FYB1: variants seen among roughly 807,000 people sequenced by gnomAD.
FYB1 encodes the protein FYN-binding protein 1.
In FYB1, 41 loss-of-function variants were observed where a neutral mutation model predicts 94.1. The ratio of observed to expected loss-of-function variants is 0.44; its 90% CI spans 0.34 to 0.57. FYB1 has a LOEUF of 0.57. FYB1 is among the 20% of genes least tolerant of loss of function. FYB1 has a pLI of 0.02. For synonymous variants in FYB1, 367 were observed against 353.2 expected (o/e 1.04, Z -0.44); for missense variants, 1,050 against 976.8 (o/e 1.07, Z -1.00).
chr5:39,157,900 C>T (rs1175669060), intron 2 of FYB1, among the ~76,000 whole-genome samples: 1 of 152,200 alleles, frequency 6.6e-6, no homozygotes, highest in African/African-American at 2.4e-5. Flanking sequence ...GATGAATTTG[C>T]AACCTACTAC....
chr5:39,217,463 T>G (rs572626452), intron 1 of FYB1, among the ~76,000 whole-genome samples: 1 of 152,300 alleles, frequency 6.6e-6, no homozygotes, highest in South Asian at 2.1e-4. Context: ...TGCAGCAGCT[T>G]GCTCTTAAAA....
chr5:39,157,314 T>C (rs1031823813), intron 2 of FYB1, among the ~76,000 whole-genome samples: 26 of 152,176 alleles, frequency 1.7e-4, no homozygotes, highest in Non-Finnish European at 3.5e-4. Flanking sequence ...GCTTTTTTGA[T>C]TTGTATTTTT....
intron 3 of FYB1, among the ~76,000 whole-genome samples, chr5:39,147,037 C>T (rs987764513): frequency 6.6e-6 from 1 of 151,724 alleles, no homozygotes; most frequent in Non-Finnish European, 1.5e-5. Context: ...CAGTCACAGC[C>T]CAAGTCATAA....
chr5:39,161,994 C>A (rs2150376899), intron 2 of FYB1, among the ~76,000 whole-genome samples: 1 of 152,216 alleles, frequency 6.6e-6, no homozygotes, highest in Admixed American at 6.5e-5. Flanking sequence ...GTTGTTTTTG[C>A]AGTTCAATTA....
At chr5:39,271,340 G>A (rs1752658088) in intron 1 of FYB1, among the ~76,000 whole-genome samples, 1 of 152,182 alleles carries the variant, frequency 6.6e-6, no homozygotes, top group Non-Finnish European at 1.5e-5. Flanking sequence ...CAAGTAGTCA[G>A]ACTTTCCAAT....
chr5:39,203,120 T>C, intron 1 of FYB1, 133 bp from the exon 2 acceptor site: 1 of 704,936 alleles, frequency 1.4e-6, no homozygotes, highest in Non-Finnish European at 2.3e-6. Flanking sequence ...TATTGTAACA[T>C]TTATCTTCCT....
At chr5:39,186,929 G>A (rs555593806) in intron 2 of FYB1, among the ~76,000 whole-genome samples, 17 of 152,162 alleles carry the variant, frequency 1.1e-4, no homozygotes, top group African/African-American at 1.7e-4. Context: ...AAAAGAGGCC[G>A]AGAACCCTCC....
At position 39,232,012 on chromosome 5, in the gene FYB1, G is replaced by C. The variant is rs148422499; in HGVS notation, c.-27-29025C>G. ...GAAGAGAAGCTTCAGGGATACGGAT[G>C]AATTGTATATCATCAAACTGTTTGC... On this transcript the variant is annotated intron_variant, in intron 1 of 1. Coordinates refer to the FYB1 transcript ENST00000510188. Among the ~76,000 whole-genome samples the C allele has an allele frequency of 3.5e-4, 53 of 152,242 alleles. No individual in the cohort carries two copies. In the East Asian group the frequency reaches 0.01, roughly 29 times the overall value.
chr5:39,255,644 G>A (rs533847273), intron 1 of FYB1, among the ~76,000 whole-genome samples: 3 of 152,242 alleles, frequency 2.0e-5, no homozygotes, highest in Admixed American at 6.5e-5. Flanking sequence ...CCTACGCAGA[G>A]GACAAACTTT....
intron 1 of FYB1, among the ~76,000 whole-genome samples, chr5:39,262,951 G>A (rs1579807227): frequency 6.6e-6 from 1 of 152,074 alleles, no homozygotes; most frequent in African/African-American, 2.4e-5. Context: ...TCTGTGCTGT[G>A]GGAAGGAGGG....
intron 3 of FYB1, among the ~76,000 whole-genome samples, chr5:39,144,543 T>C (rs1322660849): frequency 6.6e-6 from 1 of 152,216 alleles, no homozygotes; most frequent in Non-Finnish European, 1.5e-5. Context: ...GGCTCATGCC[T>C]GTAATCCCAG....
chr5:39,123,748 A>G (rs1171121214), intron 13 of FYB1, among the ~76,000 whole-genome samples: 1 of 152,218 alleles, frequency 6.6e-6, no homozygotes, highest in Non-Finnish European at 1.5e-5. Flanking sequence ...TTTTAAAAAC[A>G]TCTAAAGATC....
chr5:39,231,432 G>GA (rs1190282963), intron 1 of FYB1, among the ~76,000 whole-genome samples: 3 of 151,916 alleles, frequency 2.0e-5, no homozygotes, highest in South Asian at 2.1e-4. Flanking sequence ...AGTTGAATAA[G>GA]AAAAAAATCT....
chr5:39,157,906 A>G (rs978514032), intron 2 of FYB1, among the ~76,000 whole-genome samples: 1 of 152,206 alleles, frequency 6.6e-6, no homozygotes, highest in African/African-American at 2.4e-5. Flanking sequence ...TTTGCAACCT[A>G]CTACCCACTG....
At chr5:39,138,228 T>C (rs2150324927) in intron 6 of FYB1, 1 of 169,070 alleles carries the variant, frequency 5.9e-6, no homozygotes, top group East Asian at 1.8e-4. Context: ...AGAAACTTCT[T>C]TGTTTAACAT....
intron 17 of FYB1, among the ~76,000 whole-genome samples, chr5:39,109,501 C>T (rs879631164): frequency 6.6e-6 from 1 of 151,942 alleles, no homozygotes; most frequent in Non-Finnish European, 1.5e-5. Flanking sequence ...CTCTTGCCTC[C>T]CACTGTGATT....
In FYB1 at chr5:39,137,729, A is replaced by T. The variant is rs1741786116; in HGVS notation, c.1395-9T>A. On this transcript the variant is annotated splice_polypyrimidine_tract_variant and intron_variant, in intron 6 of 18. Coordinates refer to ENST00000512982, the MANE Select transcript of FYB1 (RefSeq NM_001465.6). The stretch of plus-strand genomic sequence containing the variant: ...TTTCTTTGGATGCTTCTCTGTGAGT[A>T]AAAATTGTTAGGTTGTTTTCACATC... 1 of 1,550,144 alleles carries T rather than the reference A, an allele frequency of 6.5e-7. No individual in the cohort carries two copies. Among genetic ancestry groups the T allele is most frequent in the African/African-American group, 1.4e-5 (1 of 72,832 alleles).
intron 2 of FYB1, among the ~76,000 whole-genome samples, chr5:39,174,326 A>G (rs1217020107): frequency 2.0e-5 from 3 of 152,212 alleles, no homozygotes; most frequent in Non-Finnish European, 2.9e-5. Context: ...TATCACTTAT[A>G]GAACAAATGA....
Position 39,215,275 on chromosome 5 carries a change from G to A in FYB1, c.-28+4168C>T, listed in dbSNP as rs114682912. On this transcript the variant is annotated intron_variant, in intron 1 of 18. Coordinates refer to ENST00000512982, the MANE Select transcript of FYB1 (RefSeq NM_001465.6). Reference sequence around the variant, plus strand: ...TAAATTTAAATTAAATGTAACAGTGGATCAATGTCAAACATCTAATATGAA... The same window carrying A: ...TAAATTTAAATTAAATGTAACAGTGAATCAATGTCAAACATCTAATATGAA... Among the ~76,000 whole-genome samples the A allele has an allele frequency of 5.5e-3, 831 of 152,038 alleles. 11 individuals carry two copies. The highest frequency in any genetic ancestry group is 0.019 in the African/African-American group (782 of 41,444).
Sources: allele counts gnomAD v4.1 joint callset (sites outside exome capture counted in the v4.1 genomes callset), GRCh38; gene constraint gnomAD v4.1.1; transcripts MANE v1.5; gene names NCBI Gene and HGNC (gene_info 2026-07-23, HGNC 2026-07-21).